The following CEP112 variants were observed in gnomAD, a reference collection of about 807,000 sequenced individuals.
The protein encoded by CEP112 is centrosomal protein 112.
CEP112 carries 127 observed loss-of-function variants against 153.0 expected under a neutral mutation model. That is an observed-to-expected ratio of 0.83 (90% CI 0.72 to 0.96). CEP112 has a LOEUF of 0.96. Ranked by LOEUF, CEP112 falls within the 40% of genes least tolerant of loss-of-function variation. The probability of loss-of-function intolerance (pLI) is 0.00; values close to 1 mark genes in which losing one functional copy is unlikely to be tolerated. For missense variants in CEP112, 1,089 were observed against 1,101.2 expected (o/e 0.99, Z 0.16); for synonymous variants, 358 against 374.4 (o/e 0.96, Z 0.51).
In CEP112 at chr17:65,927,624, A is replaced by G. The variant is rs539899512; in HGVS notation, c.1938T>C (p.Phe646=). 8.1e-6 allele frequency: 13 copies of G among 1,602,592 alleles called. No individual in the cohort carries two copies. The highest frequency in any genetic ancestry group is 2.3e-5 in the South Asian group (2 of 87,678). The part of the protein sequence containing the change: ...KSLREKQSKE[F]LWQLEDIRQR... ...GTCTGATGTCCTCCAGTTGCCATAA[A>G]AACTCCTTTGATTGTTTCTCACGAA... Residue 646 remains phenylalanine (F), a synonymous_variant, in exon 19 of 27, where the codon TTT becomes TTC. Coordinates refer to ENST00000535342, the MANE Select transcript of CEP112 (RefSeq NM_001199165.4).
chr17:65,971,393 A>C (rs1462912667), intron 17 of CEP112, among the ~76,000 whole-genome samples: 1 of 66,494 alleles, frequency 1.5e-5, no homozygotes, highest in East Asian at 2.2e-3. Context: ...GCATGTATAT[A>C]GCATGTATAT....
At chr17:65,929,117 G>T (rs2061033671) in intron 18 of CEP112, among the ~76,000 whole-genome samples, 1 of 152,196 alleles carries the variant, frequency 6.6e-6, no homozygotes, top group African/African-American at 2.4e-5. Context: ...TTCTAAAATT[G>T]ATTGTGATGA....
intron 1 of CEP112, among the ~76,000 whole-genome samples, chr17:66,188,610 GTAT>G (rs2073043754): frequency 6.7e-6 from 1 of 148,258 alleles, no homozygotes; most frequent in African/African-American, 2.5e-5. Context: ...ACACATCTGT[GTAT>G]TATTATGCAT....
At chr17:66,134,264 G>A (rs565184080) in intron 4 of CEP112, among the ~76,000 whole-genome samples, 59 of 152,164 alleles carry the variant, frequency 3.9e-4, no homozygotes, top group Non-Finnish European at 6.2e-4. Flanking sequence ...TACATAAAAC[G>A]ACACACCCTC....
intron 6 of CEP112, among the ~76,000 whole-genome samples, chr17:66,120,155 A>G (rs2146446698): frequency 6.6e-6 from 1 of 152,230 alleles, no homozygotes; most frequent in African/African-American, 2.4e-5. Flanking sequence ...GTTTAATTAA[A>G]TTTGTCAGTG....
intron 23 of CEP112, among the ~76,000 whole-genome samples, chr17:65,706,717 C>T (rs527805634): frequency 6.6e-6 from 1 of 152,304 alleles, no homozygotes; most frequent in Middle Eastern, 3.4e-3. Context: ...CGAGGACACC[C>T]TTGAATTTTC....
chr17:65,806,885 G>C (rs1377297655), intron 21 of CEP112, among the ~76,000 whole-genome samples: 1 of 152,118 alleles, frequency 6.6e-6, no homozygotes, highest in East Asian at 1.9e-4. Flanking sequence ...ATTGATACTA[G>C]GATTTGGGCA....
chr17:65,729,888 G>A (rs2050399468), intron 23 of CEP112, among the ~76,000 whole-genome samples: 1 of 151,628 alleles, frequency 6.6e-6, no homozygotes, highest in Admixed American at 6.6e-5. Flanking sequence ...ACTCCAGCCT[G>A]GGCCACATAG....
At chr17:65,901,856 TA>T (rs1037378558) in intron 20 of CEP112, among the ~76,000 whole-genome samples, 2 of 151,114 alleles carry the variant, frequency 1.3e-5, no homozygotes, top group African/African-American at 2.4e-5. Context: ...GCAGATACCT[TA>T]AAAAAATCCA....
At chr17:66,084,859 T>C (rs989523369) in intron 8 of CEP112, among the ~76,000 whole-genome samples, 3 of 152,204 alleles carry the variant, frequency 2.0e-5, no homozygotes, top group Non-Finnish European at 2.9e-5. Flanking sequence ...AGATGATGGA[T>C]ACCCCATTTA....
intron 24 of CEP112, among the ~76,000 whole-genome samples, chr17:65,647,318 C>T (rs924361132): frequency 6.7e-6 from 1 of 148,856 alleles, no homozygotes; most frequent in Non-Finnish European, 1.5e-5. Flanking sequence ...GGATTATAGG[C>T]ATGCACCACC....
intron 21 of CEP112, among the ~76,000 whole-genome samples, chr17:65,823,816 A>C (rs2056709088): frequency 6.6e-6 from 1 of 152,214 alleles, no homozygotes; most frequent in African/African-American, 2.4e-5. Flanking sequence ...ATTTCAATAG[A>C]TACTTCACCA....
chr17:66,070,560 G>A (rs1020092623), intron 8 of CEP112, among the ~76,000 whole-genome samples: 1 of 151,996 alleles, frequency 6.6e-6, no homozygotes, highest in African/African-American at 2.4e-5. Flanking sequence ...CTCCCTCAAG[G>A]GAGTGACTTT....
intron 22 of CEP112, among the ~76,000 whole-genome samples, chr17:65,745,404 C>T (rs997018894): frequency 1.3e-5 from 2 of 152,104 alleles, no homozygotes; most frequent in African/African-American, 4.8e-5. Context: ...TTCTGTGAAA[C>T]AGGAAAGGTT....
intron 18 of CEP112, among the ~76,000 whole-genome samples, chr17:65,938,649 T>C (rs2061424306): frequency 1.3e-5 from 2 of 152,188 alleles, no homozygotes; most frequent in Middle Eastern, 3.4e-3. Context: ...AAGGAAGAAG[T>C]AGAATTGTCT....
intron 21 of CEP112, among the ~76,000 whole-genome samples, chr17:65,756,305 C>T (rs2052263201): frequency 1.4e-5 from 2 of 145,352 alleles, no homozygotes; most frequent in South Asian, 2.2e-4. Flanking sequence ...ACTTGGGAGG[C>T]TGAGGCAGAA....
At chr17:66,058,851 C>T (rs1598260170) in intron 11 of CEP112, among the ~76,000 whole-genome samples, 3 of 151,960 alleles carry the variant, frequency 2.0e-5, no homozygotes, top group Non-Finnish European at 4.4e-5. Flanking sequence ...GACCCTGTCT[C>T]AAAACCAAAA....
intron 21 of CEP112, among the ~76,000 whole-genome samples, chr17:65,816,518 G>A (rs142127904): frequency 5.7e-4 from 87 of 151,826 alleles, no homozygotes; most frequent in African/African-American, 2.1e-3. Flanking sequence ...TCTTTGAATA[G>A]GTGTTAAACT....
intron 9 of CEP112, among the ~76,000 whole-genome samples, chr17:66,068,407 A>T (rs926654390): frequency 6.6e-6 from 1 of 152,130 alleles, no homozygotes; most frequent in Admixed American, 6.6e-5. Flanking sequence ...GCCTGTGAAT[A>T]GCCACTGTCC....
Sources: allele counts gnomAD v4.1 joint callset (sites outside exome capture counted in the v4.1 genomes callset), GRCh38; gene constraint gnomAD v4.1.1; transcripts MANE v1.5; gene names NCBI Gene and HGNC (gene_info 2026-07-23, HGNC 2026-07-21).